PPP3CA: variants seen among roughly 807,000 people sequenced by gnomAD.
The protein encoded by PPP3CA is protein phosphatase 3 catalytic subunit alpha.
PPP3CA carries 14 observed loss-of-function variants against 66.5 expected under a neutral mutation model. The ratio of observed to expected loss-of-function variants is 0.21; its 90% CI spans 0.14 to 0.33. The LOEUF is 0.33. Among genes scored for constraint, PPP3CA ranks in the 10% least tolerant of loss-of-function variants. PPP3CA has a pLI of 1.00. For missense variants in PPP3CA, 317 were observed against 639.5 expected, an observed-to-expected ratio of 0.50 and a Z score of 5.44; for synonymous variants, 232 against 226.2, an observed-to-expected ratio of 1.03 and a Z score of -0.23.
intron 5 of PPP3CA, 34 bp from the exon 6 acceptor site, chr4:101,093,949 A>C (rs377190748): frequency 5.0e-5 from 77 of 1,549,998 alleles, no homozygotes; most frequent in Non-Finnish European, 6.4e-5. Flanking sequence ...GCAAAATACT[A>C]ATCTTTGGAA....
intron 1 of PPP3CA, among the ~76,000 whole-genome samples, chr4:101,306,262 A>G (rs906462238): frequency 7.9e-5 from 12 of 152,096 alleles, no homozygotes; most frequent in Admixed American, 7.9e-4. Flanking sequence ...TTTGAGCAAC[A>G]CTGCCTCAGG....
At chr4:101,114,421 T>C (rs1578461224) in intron 2 of PPP3CA, among the ~76,000 whole-genome samples, 1 of 152,170 alleles carries the variant, frequency 6.6e-6, no homozygotes, top group Non-Finnish European at 1.5e-5. Context: ...ATTTGTTTTG[T>C]ACTGGAAAAG....
intron 8 of PPP3CA, among the ~76,000 whole-genome samples, chr4:101,076,111 A>G (rs1161474540): frequency 6.6e-6 from 1 of 152,148 alleles, no homozygotes; most frequent in Non-Finnish European, 1.5e-5. Flanking sequence ...AGTAATTAGG[A>G]AATAGGTTTT....
At chr4:101,296,344 T>A (rs564293868) in intron 1 of PPP3CA, among the ~76,000 whole-genome samples, 2 of 152,138 alleles carry the variant, frequency 1.3e-5, no homozygotes. Flanking sequence ...AATATAAGTA[T>A]TTTGTATGTG....
chr4:101,328,497 T>G (rs905534781), intron 1 of PPP3CA, among the ~76,000 whole-genome samples: 4 of 152,184 alleles, frequency 2.6e-5, no homozygotes, highest in Non-Finnish European at 5.9e-5. Context: ...TCATGTGACG[T>G]CTCCTTGAAG....
chr4:101,120,318 AC>A (rs1261639448), intron 2 of PPP3CA, among the ~76,000 whole-genome samples: 1 of 152,116 alleles, frequency 6.6e-6, no homozygotes, highest in Non-Finnish European at 1.5e-5. Context: ...TGGGATAATA[AC>A]AAAAATAAAA....
chr4:101,263,001 A>G (rs1426163527), intron 1 of PPP3CA, among the ~76,000 whole-genome samples: 1 of 152,172 alleles, frequency 6.6e-6, no homozygotes, highest in East Asian at 1.9e-4. Context: ...TAGAATCCAC[A>G]GCAGCTATAA....
At chr4:101,144,600 A>G (rs971997097) in intron 2 of PPP3CA, among the ~76,000 whole-genome samples, 3 of 152,198 alleles carry the variant, frequency 2.0e-5, no homozygotes, top group Middle Eastern at 3.2e-3. Context: ...CACATGCATC[A>G]TAATTTTTAT....
At position 101,294,277 on chromosome 4, in the gene PPP3CA, C is replaced by T. The variant is rs1728122831; in HGVS notation, c.58+52462G>A. Among the ~76,000 whole-genome samples the T allele has an allele frequency of 1.3e-5, 2 of 152,154 alleles. 1 individual carries two copies. Among genetic ancestry groups the T allele is most frequent in the South Asian group, 4.1e-4 (2 of 4,832 alleles). ...TTGTGCCTTCATAATCCAGTACTAA[C>T]GTGGGACTCCAAGCATTCATCTTTG... is the stretch of plus-strand genomic sequence containing the variant. On this transcript the variant is annotated intron_variant, in intron 1 of 13. Transcript: ENST00000394854.
chr4:101,147,306 C>T (rs899490234), intron 2 of PPP3CA, among the ~76,000 whole-genome samples: 1 of 152,102 alleles, frequency 6.6e-6, no homozygotes, highest in Non-Finnish European at 1.5e-5. Context: ...TTCCTTTATA[C>T]TTTTTACTGT....
Position 101,032,507 on chromosome 4 carries a change from T to TAACA in PPP3CA, c.1242-147_1242-144dup. On this transcript the variant is annotated intron_variant, in intron 11 of 13. Coordinates refer to ENST00000394854, the MANE Select transcript of PPP3CA (RefSeq NM_000944.5). ...CCGGATCTTTTTTTAAAATTTTTTT[T>TAACA]AACATACTTTATTTTAATTTATTTA... The TAACA allele has an allele frequency of 7.7e-6, 5 of 651,268 alleles. No homozygotes were observed. In the South Asian group the frequency reaches 9.9e-5, roughly 13 times the overall value. 40.3% of individuals were successfully genotyped at this position (651,268 alleles called of 1,614,324 possible).
intron 8 of PPP3CA, among the ~76,000 whole-genome samples, chr4:101,075,583 T>G (rs116263140): frequency 0.011 from 1,692 of 152,306 alleles, 34 homozygotes; most frequent in African/African-American, 0.039. Flanking sequence ...GAAGCACAGG[T>G]GTACCTCTAC....
intron 1 of PPP3CA, among the ~76,000 whole-genome samples, chr4:101,247,003 C>T (rs968205152): frequency 1.3e-5 from 2 of 152,104 alleles, no homozygotes; most frequent in South Asian, 4.1e-4. Flanking sequence ...GTACAACATA[C>T]GTACTTTCTT....
chr4:101,036,516 A>T (rs764957162), intron 11 of PPP3CA, among the ~76,000 whole-genome samples: 2 of 151,874 alleles, frequency 1.3e-5, no homozygotes, highest in African/African-American at 2.4e-5. Flanking sequence ...GGTTTATGGC[A>T]GTCTCCTGCC....
At chr4:101,175,672 A>G (rs1427801395) in intron 2 of PPP3CA, among the ~76,000 whole-genome samples, 2 of 152,208 alleles carry the variant, frequency 1.3e-5, no homozygotes, top group Non-Finnish European at 1.5e-5. Flanking sequence ...AAAGATGTGT[A>G]TGCCTGAGTC....
chr4:101,250,668 T>C (rs1233697547), intron 1 of PPP3CA, among the ~76,000 whole-genome samples: 1 of 152,172 alleles, frequency 6.6e-6, no homozygotes, highest in South Asian at 2.1e-4. Flanking sequence ...ACCCCCTAAA[T>C]ATTAAATTAA....
intron 2 of PPP3CA, among the ~76,000 whole-genome samples, chr4:101,119,325 T>A (rs1351425778): frequency 6.6e-6 from 1 of 152,048 alleles, no homozygotes; most frequent in East Asian, 1.9e-4. Context: ...ATACTACCAG[T>A]CTTTCAGAGT....
chr4:101,184,110 T>C (rs1460223408), intron 2 of PPP3CA, among the ~76,000 whole-genome samples: 1 of 152,004 alleles, frequency 6.6e-6, no homozygotes, highest in African/African-American at 2.4e-5. Flanking sequence ...GGGAAATGGA[T>C]CAAAGACACA....
intron 1 of PPP3CA, among the ~76,000 whole-genome samples, chr4:101,326,502 T>G (rs896730268): frequency 6.6e-6 from 1 of 152,170 alleles, no homozygotes; most frequent in Non-Finnish European, 1.5e-5. Context: ...AAAAGAATGG[T>G]AATGTGTTTC....
Sources: allele counts gnomAD v4.1 joint callset (sites outside exome capture counted in the v4.1 genomes callset), GRCh38; gene constraint gnomAD v4.1.1; transcripts MANE v1.5; gene names NCBI Gene and HGNC (gene_info 2026-07-23, HGNC 2026-07-21).